Variants in TBC1D1 observed in about 807,000 individuals in gnomAD.
TBC1D1 encodes TBC1 domain family member 1.
A neutral mutation model predicts 125.6 loss-of-function variants in TBC1D1; 89 were observed. The ratio of observed to expected loss-of-function variants is 0.71; its 90% CI spans 0.60 to 0.85. TBC1D1 has a LOEUF of 0.85. TBC1D1 is among the 40% of genes least tolerant of loss of function. TBC1D1 has a pLI of 0.00. For synonymous variants in TBC1D1, 565 were observed against 564.1 expected (o/e 1.00, Z -0.02); for missense variants, 1,377 against 1,469.2 (o/e 0.94, Z 1.03).
intron 5 of TBC1D1, 180 bp downstream of exon 5, chr4:38,020,875 G>T: frequency 6.8e-6 from 3 of 441,322 alleles, no homozygotes; most frequent in East Asian, 3.9e-5. Flanking sequence ...AATTGGCTGT[G>T]CATTTTATAT....
chr4:37,923,136 G>A (rs901403084), intron 2 of TBC1D1, among the ~76,000 whole-genome samples: 5 of 151,944 alleles, frequency 3.3e-5, no homozygotes, highest in African/African-American at 1.2e-4. Flanking sequence ...GCCCTGGTGT[G>A]TGATGTTCCC....
At chr4:37,970,020 G>T (rs897279890) in intron 2 of TBC1D1, among the ~76,000 whole-genome samples, 10 of 152,174 alleles carry the variant, frequency 6.6e-5, no homozygotes, top group African/African-American at 2.2e-4. Context: ...TTTGTAACTG[G>T]CTTATTTCAA....
intron 15 of TBC1D1, chr4:38,110,658 G>A: frequency 1.0e-6 from 1 of 985,400 alleles, no homozygotes; most frequent in Non-Finnish European, 1.2e-6. Flanking sequence ...CCACTTAACA[G>A]TCCCATTCTC....
rs569373483 is a variant in TBC1D1 at position 37,943,251 on chromosome 4, C to T, written c.417+40739C>T. On this transcript the variant is annotated intron_variant, in intron 2 of 19. Transcript: ENST00000261439. Reference sequence around the variant, plus strand: ...CCTTTGTGGGTAACCCGACCTTTCTCTCTGGCTGCCCTTAACATTTTTTCC... The same window carrying T: ...CCTTTGTGGGTAACCCGACCTTTCTTTCTGGCTGCCCTTAACATTTTTTCC... 3.3e-5 allele frequency among the ~76,000 whole-genome samples: 5 copies of T among 152,328 alleles called. No homozygotes were observed. The East Asian group carries it at 9.6e-4, about 29-fold the overall frequency.
chr4:37,944,831 C>T (rs1055975173), intron 2 of TBC1D1, among the ~76,000 whole-genome samples: 11 of 152,226 alleles, frequency 7.2e-5, no homozygotes, highest in Admixed American at 1.3e-4. Context: ...CGGTGGGCTG[C>T]ACCCACTGTC....
intron 2 of TBC1D1, among the ~76,000 whole-genome samples, chr4:37,999,193 A>G (rs1000901609): frequency 4.6e-5 from 7 of 152,200 alleles, no homozygotes; most frequent in Admixed American, 1.3e-4. Flanking sequence ...CGTTAGTTAC[A>G]GTGAGCTGAG....
At position 38,014,785 on chromosome 4, in the gene TBC1D1, A is replaced by G. The variant is rs563301626; in HGVS notation, c.694A>G (p.Met232Val). 6.6e-6 allele frequency: 9 copies of G among 1,365,214 alleles called. No individual in the cohort carries two copies. The highest frequency in any genetic ancestry group is 8.8e-6 in the Non-Finnish European group (9 of 1,023,488). The allele number at this position is 1,365,214 out of a possible 1,614,324, so 84.6% of individuals were successfully genotyped here. The stretch of plus-strand genomic sequence containing the variant: ...GAGCCAGGAGCCTGTGCGCAGGCCC[A>G]TGCGCAAGTCCTTCTCCCAGCCCGG... Residue 232 changes from methionine (M) to valine (V), a missense_variant, in exon 3 of 20, where the codon ATG (methionine) becomes GTG (valine). Around this residue, in one of 3 missense-constraint regions of TBC1D1, gnomAD observed 822 missense variants for 824.6 expected, o/e 1.00. Transcript: ENST00000261439. This position sits in a 1 kb window ranked among gnomAD's most constrained non-coding sequence, Gnocchi z 5.1.
chr4:38,014,520 C>G lies in TBC1D1; in HGVS notation c.429C>G (p.Ile143Met), dbSNP rs1261927696. 6.2e-7 allele frequency: 1 copy of G among 1,612,816 alleles called. No individual in the cohort carries two copies. Among genetic ancestry groups the G allele is most frequent in the South Asian group, 1.1e-5 (1 of 91,062 alleles). The change falls in exon 3 of 20, where the codon ATC (isoleucine) becomes ATG (methionine). Residue 143 changes from isoleucine (I) to methionine (M), a missense_variant. By Grantham distance (10) the Ile-to-Met change is conservative. Transcript: ENST00000261439. This position sits in a 1 kb window ranked among gnomAD's most constrained non-coding sequence, Gnocchi z 5.1. Reference sequence around the variant, plus strand: ...CTCTCTCTCCTCAGGTGCCTGAGATCATCAGCTCCATCCGTCAGGCGGGGA... The same window carrying G: ...CTCTCTCTCCTCAGGTGCCTGAGATGATCAGCTCCATCCGTCAGGCGGGGA...
At chr4:37,904,899 G>A (rs985426967) in intron 2 of TBC1D1, among the ~76,000 whole-genome samples, 3 of 152,214 alleles carry the variant, frequency 2.0e-5, no homozygotes, top group Non-Finnish European at 2.9e-5. Context: ...ATCTCATAGC[G>A]AAGGATTATC....
At chr4:37,929,383 G>A (rs1333243796) in intron 2 of TBC1D1, among the ~76,000 whole-genome samples, 2 of 152,220 alleles carry the variant, frequency 1.3e-5, no homozygotes, top group African/African-American at 4.8e-5. Flanking sequence ...AGATCATGTA[G>A]CGTTATATCA....
chr4:37,920,095 A>G (rs1365788319), intron 2 of TBC1D1, among the ~76,000 whole-genome samples: 1 of 152,258 alleles, frequency 6.6e-6, no homozygotes, highest in Non-Finnish European at 1.5e-5. Context: ...CCTGTGCCAA[A>G]GAGTGAGACT....
At chr4:38,024,010 A>C (rs1405068145) in intron 6 of TBC1D1, among the ~76,000 whole-genome samples, 1 of 152,040 alleles carries the variant, frequency 6.6e-6, no homozygotes, top group African/African-American at 2.4e-5. Context: ...TTTGTTTTTG[A>C]TGAAAGCCAT....
chr4:37,944,689 C>T (rs1726292803), intron 2 of TBC1D1, among the ~76,000 whole-genome samples: 4 of 152,194 alleles, frequency 2.6e-5, no homozygotes, highest in Admixed American at 2.0e-4. Context: ...TGGAAAAGCG[C>T]AGTATTAGGG....
Position 37,977,945 on chromosome 4 carries a change from C to CT in TBC1D1, c.418-36562dup, listed in dbSNP as rs768353073. Among the ~76,000 whole-genome samples, 22 of 152,320 alleles carry CT rather than the reference C, an allele frequency of 1.4e-4. No individual in the cohort carries two copies. The Middle Eastern group carries it at 0.01, about 71-fold the overall frequency. ...CGTGTGTCTCCCTCGCAGAAGTCGG[C>CT]TTGCGCTGGGCCGCCTGGACAGGGC... On this transcript the variant is annotated intron_variant, in intron 2 of 19. Transcript: ENST00000261439. This position sits in a 1 kb window ranked among gnomAD's most constrained non-coding sequence, Gnocchi z 4.3.
Position 37,996,699 on chromosome 4 carries a change from G to A in TBC1D1, c.418-17810G>A, listed in dbSNP as rs1160938628. Among the ~76,000 whole-genome samples the A allele has an allele frequency of 2.6e-5, 4 of 152,232 alleles. No individual in the cohort carries two copies. The South Asian group carries it at 6.2e-4, about 24-fold the overall frequency. On this transcript the variant is annotated intron_variant, in intron 2 of 19. Transcript: ENST00000261439. ...GAGCCCTTTCCTGTGATTGAGCCTGGCACTCATGAATTAGTGTAATTTTTC... is the reference window on the plus strand; with the variant it reads ...GAGCCCTTTCCTGTGATTGAGCCTGACACTCATGAATTAGTGTAATTTTTC...
chr4:38,028,935 T>C (rs1209565613), intron 7 of TBC1D1, among the ~76,000 whole-genome samples: 1 of 152,104 alleles, frequency 6.6e-6, no homozygotes, highest in African/African-American at 2.4e-5. Flanking sequence ...CCTGATAATA[T>C]ATCAAACCTA....
intron 15 of TBC1D1, among the ~76,000 whole-genome samples, chr4:38,105,965 T>C (rs74508003): frequency 0.036 from 5,439 of 152,274 alleles, 337 homozygotes; most frequent in African/African-American, 0.12. Flanking sequence ...AGTAATGGGA[T>C]TGCAGGGTCG....
At chr4:38,070,494 C>T (rs2152510063) in intron 12 of TBC1D1, among the ~76,000 whole-genome samples, 1 of 152,338 alleles carries the variant, frequency 6.6e-6, no homozygotes, top group Non-Finnish European at 1.5e-5. Flanking sequence ...CCATGGAAAA[C>T]ACTTGGGATT....
chr4:38,125,232 T>G (rs903179893), intron 18 of TBC1D1, 101 bp downstream of exon 20: 2 of 1,171,190 alleles, frequency 1.7e-6, no homozygotes, highest in African/African-American at 3.1e-5. Flanking sequence ...CTTTGTGTTC[T>G]GAACGGCATT....
Sources: gnomAD v4.1 joint callset for allele counts (sites outside exome capture counted in the v4.1 genomes callset) on GRCh38, gnomAD v4.1.1 for gene constraint, gnomAD v4.1.1 regional missense constraint, Gnocchi (gnomAD v3.1) non-coding constraint, MANE v1.5 for transcripts, NCBI Gene and HGNC (gene_info 2026-07-23, HGNC 2026-07-21) for gene names.